Variants in C6 observed in about 807,000 individuals in gnomAD.
C6 encodes the protein complement C6, also known as complement component C6.
C6 carries 101 observed loss-of-function variants against 112.9 expected under a neutral mutation model. That is an observed-to-expected ratio of 0.89 (90% CI 0.76 to 1.06). The LOEUF (loss-of-function observed/expected upper bound fraction) is 1.06, where lower values mean the gene tolerates loss of function less well. Among genes scored for constraint, C6 ranks in the 50% least tolerant of loss-of-function variants. C6 has a pLI of 0.00. For synonymous variants in C6, 431 were observed against 384.1 expected (o/e 1.12, Z -1.43); for missense variants, 1,202 against 1,104.6 (o/e 1.09, Z -1.25).
intron 1 of C6, among the ~76,000 whole-genome samples, chr5:41,236,434 G>A (rs1489510117): frequency 1.5e-4 from 23 of 150,770 alleles, no homozygotes; most frequent in African/African-American, 2.2e-4. Flanking sequence ...ACTCAAAGCC[G>A]CTCAACTACA....
chr5:41,159,286 A>G (rs1486192950), intron 11 of C6, 33 bp from the exon 12 acceptor site: 3 of 1,607,550 alleles, frequency 1.9e-6, no homozygotes, highest in Non-Finnish European at 1.7e-6. Flanking sequence ...CCCATGGATC[A>G]TGGTGCAGCT....
intron 1 of C6, among the ~76,000 whole-genome samples, chr5:41,227,111 A>T (rs1739562481): frequency 6.6e-6 from 1 of 152,170 alleles, no homozygotes; most frequent in African/African-American, 2.4e-5. Flanking sequence ...CATTCTCATC[A>T]AAACTTGTCA....
chr5:41,163,311 T>C (rs1747695617), intron 9 of C6, among the ~76,000 whole-genome samples: 1 of 77,918 alleles, frequency 1.3e-5, no homozygotes, highest in Admixed American at 1.8e-4. Context: ...ATCAATGAAC[T>C]TTTTTTTTTT....
At chr5:41,162,879 G>C (rs1345193458) in intron 9 of C6, among the ~76,000 whole-genome samples, 1 of 152,138 alleles carries the variant, frequency 6.6e-6, no homozygotes, top group Non-Finnish European at 1.5e-5. Context: ...AGAGGTTTTT[G>C]TATTTATTTT....
At chr5:41,257,591 A>C (rs2150445615) in intron 1 of C6, among the ~76,000 whole-genome samples, 1 of 152,304 alleles carries the variant, frequency 6.6e-6, no homozygotes, top group Non-Finnish European at 1.5e-5. Flanking sequence ...AGTGTTTGGG[A>C]GTAGGCTTCA....
At chr5:41,246,318 G>A (rs538374171) in intron 1 of C6, among the ~76,000 whole-genome samples, 1 of 152,262 alleles carries the variant, frequency 6.6e-6, no homozygotes, top group Admixed American at 6.5e-5. Flanking sequence ...CTGGCCAAAT[G>A]CTAGGCTCAT....
chr5:41,150,230 C>A (rs578058184), intron 15 of C6, among the ~76,000 whole-genome samples: 76 of 152,276 alleles, frequency 5.0e-4, no homozygotes, highest in African/African-American at 1.8e-3. Context: ...CATTTTCCAA[C>A]CTAAAATTGC....
intron 1 of C6, among the ~76,000 whole-genome samples, chr5:41,254,164 G>A (rs1221858415): frequency 6.6e-6 from 1 of 152,202 alleles, no homozygotes; most frequent in Non-Finnish European, 1.5e-5. Context: ...CACTTTGGGA[G>A]GCCGAGGTGG....
intron 1 of C6, among the ~76,000 whole-genome samples, chr5:41,250,591 G>A (rs1306341657): frequency 1.3e-5 from 2 of 152,138 alleles, no homozygotes; most frequent in Non-Finnish European, 2.9e-5. Flanking sequence ...AGTTTGATTT[G>A]GCTTCTTGCA....
At chr5:41,238,271 G>A (rs1195407523) in intron 1 of C6, among the ~76,000 whole-genome samples, 1 of 143,326 alleles carries the variant, frequency 7.0e-6, no homozygotes. Context: ...GCATCGCCAA[G>A]TCAATCCTAA....
intron 5 of C6, among the ~76,000 whole-genome samples, chr5:41,193,166 T>C (rs943950254): frequency 1.3e-5 from 2 of 152,202 alleles, no homozygotes; most frequent in Non-Finnish European, 2.9e-5. Flanking sequence ...TATACTGCTT[T>C]ACACTATGTA....
At chr5:41,172,596 A>G in intron 8 of C6, 1 of 551,884 alleles carries the variant, frequency 1.8e-6, no homozygotes, top group Admixed American at 3.0e-5. Flanking sequence ...ACTGACCCTC[A>G]GAAGCACATA....
intron 10 of C6, among the ~76,000 whole-genome samples, chr5:41,161,404 A>C (rs1481793186): frequency 6.6e-6 from 1 of 152,136 alleles, no homozygotes; most frequent in Non-Finnish European, 1.5e-5. Context: ...AAAAAATAAA[A>C]AGTACTACTC....
intron 8 of C6, chr5:41,172,566 C>T (rs1379066035): frequency 1.7e-6 from 1 of 591,134 alleles, no homozygotes; most frequent in African/African-American, 1.9e-5. Context: ...CCGTGAGTGC[C>T]CATCATCTCC....
chr5:41,149,186 T>C (rs1746134036), intron 17 of C6, 55 bp downstream of exon 17: 2 of 1,594,364 alleles, frequency 1.3e-6, no homozygotes, highest in Admixed American at 1.7e-5. Flanking sequence ...GATGATGTAC[T>C]AGCTGAGATG....
At chr5:41,169,612 G>A (rs1434282812) in intron 9 of C6, among the ~76,000 whole-genome samples, 2 of 152,116 alleles carry the variant, frequency 1.3e-5, no homozygotes, top group African/African-American at 4.8e-5. Flanking sequence ...AAGCCTGGCA[G>A]GGGAGGCCTC....
intron 5 of C6, among the ~76,000 whole-genome samples, chr5:41,192,321 T>A (rs1337855973): frequency 1.3e-5 from 2 of 152,182 alleles, no homozygotes; most frequent in Non-Finnish European, 2.9e-5. Flanking sequence ...GCATCAGGGA[T>A]ATTGACCTGT....
intron 1 of C6, among the ~76,000 whole-genome samples, chr5:41,240,955 G>T (rs551646157): frequency 6.6e-6 from 1 of 152,168 alleles, no homozygotes; most frequent in African/African-American, 2.4e-5. Context: ...TGTTATTAGA[G>T]CCCCTGATGC....
intron 1 of C6, among the ~76,000 whole-genome samples, chr5:41,228,891 T>C (rs368042445): frequency 6.6e-6 from 1 of 152,306 alleles, no homozygotes; most frequent in South Asian, 2.1e-4. Flanking sequence ...TGCACCTATG[T>C]TCCACAGGAA....
Sources: allele counts gnomAD v4.1 joint callset (sites outside exome capture counted in the v4.1 genomes callset), GRCh38; gene constraint gnomAD v4.1.1; transcripts MANE v1.5; gene names NCBI Gene and HGNC (gene_info 2026-07-23, HGNC 2026-07-21).